ADAMTS17: variants seen among roughly 807,000 people sequenced by gnomAD.
ADAMTS17 encodes the protein ADAM metallopeptidase with thrombospondin type 1 motif 17.
A neutral mutation model predicts 141.5 loss-of-function variants in ADAMTS17; 113 were observed. That is an observed-to-expected ratio of 0.80 (90% confidence interval 0.69 to 0.93). ADAMTS17 has a LOEUF of 0.93. Among genes scored for constraint, ADAMTS17 ranks in the 40% least tolerant of loss-of-function variants. ADAMTS17 has a pLI of 0.00. For missense variants in ADAMTS17, 1,659 were observed against 1,517.9 expected (o/e 1.09, Z -1.54); for synonymous variants, 768 against 630.6 (o/e 1.22, Z -3.27).
intron 8 of ADAMTS17, among the ~76,000 whole-genome samples, chr15:100,164,463 G>C (rs1373827616): frequency 6.6e-6 from 1 of 152,184 alleles, no homozygotes; most frequent in Non-Finnish European, 1.5e-5. Flanking sequence ...TAGGCACTGA[G>C]AATACAGAGT....
In ADAMTS17 at chr15:100,029,591, A is replaced by G. The variant is rs184841636; in HGVS notation, c.2591+19266T>C. Among the ~76,000 whole-genome samples, 27 of 152,150 alleles carry G rather than the reference A, an allele frequency of 1.8e-4. No homozygotes were observed. In the East Asian group the frequency reaches 5.2e-3, roughly 30 times the overall value. The stretch of plus-strand genomic sequence containing the variant: ...CTGCAAAGTCCTGCCTTCAGTCTCC[A>G]CTTGGTTAGGTCTCTGCTTTGTGGC... On this transcript the variant is annotated intron_variant, in intron 18 of 21. Coordinates refer to ENST00000268070, the MANE Select transcript of ADAMTS17 (RefSeq NM_139057.4).
intron 7 of ADAMTS17, among the ~76,000 whole-genome samples, chr15:100,231,307 G>A (rs1180211055): frequency 6.6e-6 from 1 of 152,178 alleles, no homozygotes; most frequent in East Asian, 1.9e-4. Context: ...AGGCTTCAGT[G>A]TTAATTCCTC....
chr15:100,133,928 C>T (rs1046627885), intron 10 of ADAMTS17, among the ~76,000 whole-genome samples: 1 of 152,198 alleles, frequency 6.6e-6, no homozygotes, highest in Admixed American at 6.5e-5. Flanking sequence ...ACCTACAGAA[C>T]TTCCAGAACA....
At chr15:100,286,510 G>A (rs1416225720) in intron 3 of ADAMTS17, among the ~76,000 whole-genome samples, 1 of 152,164 alleles carries the variant, frequency 6.6e-6, no homozygotes, top group African/African-American at 2.4e-5. Flanking sequence ...AAACAAAGCT[G>A]GGAAACTCAT....
chr15:100,268,089 T>C (rs530042327), intron 4 of ADAMTS17, among the ~76,000 whole-genome samples: 1 of 152,084 alleles, frequency 6.6e-6, no homozygotes, highest in East Asian at 1.9e-4. Context: ...CTTAGGATAA[T>C]GGCCTTTAGC....
chr15:100,253,093 C>G (rs2043203098), intron 7 of ADAMTS17, among the ~76,000 whole-genome samples: 1 of 151,846 alleles, frequency 6.6e-6, no homozygotes, highest in South Asian at 2.1e-4. Context: ...ATACTGTTTT[C>G]TTCGATTTTA....
chr15:99,976,524 G>A, intron 20 of ADAMTS17: 1 of 560,266 alleles, frequency 1.8e-6, no homozygotes, highest in East Asian at 3.0e-5. Context: ...CCTGATAGAA[G>A]ACTGTTTCAA....
At chr15:100,095,799 A>G (rs1022037117) in intron 15 of ADAMTS17, among the ~76,000 whole-genome samples, 16 of 152,286 alleles carry the variant, frequency 1.1e-4, no homozygotes, top group African/African-American at 3.4e-4. Flanking sequence ...CGGCCCATCA[A>G]CCGAATCCTG....
At chr15:100,305,571 G>A (rs2045195500) in intron 3 of ADAMTS17, among the ~76,000 whole-genome samples, 1 of 152,246 alleles carries the variant, frequency 6.6e-6, no homozygotes, top group Non-Finnish European at 1.5e-5. Flanking sequence ...GGGGCTCACA[G>A]GCATCTGCCT....
intron 18 of ADAMTS17, among the ~76,000 whole-genome samples, chr15:100,041,886 A>G (rs955649820): frequency 2.6e-5 from 4 of 152,220 alleles, no homozygotes; most frequent in African/African-American, 9.6e-5. Flanking sequence ...AATAAAGGAA[A>G]GTATAAAGGA....
chr15:100,110,276 T>TA (rs1447260429), intron 13 of ADAMTS17, among the ~76,000 whole-genome samples: 310 of 82,294 alleles, frequency 3.8e-3, no homozygotes, highest in South Asian at 6.3e-3. Context: ...TATATATATA[T>TA]TTTTTTGAGA....
At chr15:100,085,291 GAAA>G (rs1217067050) in intron 15 of ADAMTS17, among the ~76,000 whole-genome samples, 1 of 151,434 alleles carries the variant, frequency 6.6e-6, no homozygotes, top group African/African-American at 2.4e-5. Flanking sequence ...GAAGTTTAGA[GAAA>G]AAAGAATACA....
At chr15:100,050,695 G>A (rs2141585471) in intron 17 of ADAMTS17, among the ~76,000 whole-genome samples, 1 of 152,354 alleles carries the variant, frequency 6.6e-6, no homozygotes, top group South Asian at 2.1e-4. Context: ...GACTAGGGAT[G>A]GCGGGGGCTA....
At chr15:100,162,502 TTATATGTG>T (rs1252139831) in intron 8 of ADAMTS17, among the ~76,000 whole-genome samples, 154 of 114,628 alleles carry the variant, frequency 1.3e-3, no homozygotes, top group Non-Finnish European at 2.4e-3. Flanking sequence ...CATATACACA[TTATATGTG>T]TATATATATG....
intron 14 of ADAMTS17, among the ~76,000 whole-genome samples, chr15:100,106,039 T>C (rs1474644465): frequency 6.6e-6 from 1 of 151,906 alleles, no homozygotes; most frequent in Non-Finnish European, 1.5e-5. Context: ...CTCTGTCACG[T>C]AGGCTGGAGT....
At chr15:100,172,256 T>C (rs187836660) in intron 8 of ADAMTS17, among the ~76,000 whole-genome samples, 67 of 151,950 alleles carry the variant, frequency 4.4e-4, no homozygotes, top group Admixed American at 4.0e-3. Flanking sequence ...CTGATTTCAT[T>C]GGGATGAGGC....
At chr15:100,308,253 C>T (rs1473535848) in intron 3 of ADAMTS17, among the ~76,000 whole-genome samples, 4 of 152,202 alleles carry the variant, frequency 2.6e-5, no homozygotes, top group Non-Finnish European at 4.4e-5. Context: ...TATTATAAAA[C>T]ATTTTATTTT....
chr15:100,119,651 T>C (rs1007896930), intron 12 of ADAMTS17, among the ~76,000 whole-genome samples: 7 of 152,232 alleles, frequency 4.6e-5, no homozygotes, highest in Admixed American at 2.0e-4. Context: ...TGTGATATGA[T>C]GTAAGAGAAC....
chr15:100,328,402 G>T (rs2045954822), intron 3 of ADAMTS17, among the ~76,000 whole-genome samples: 1 of 152,182 alleles, frequency 6.6e-6, no homozygotes, highest in Admixed American at 6.5e-5. Flanking sequence ...AGGACCAGAA[G>T]CAAAATATGT....
Sources: gnomAD v4.1 joint callset for allele counts (sites outside exome capture counted in the v4.1 genomes callset) on GRCh38, gnomAD v4.1.1 for gene constraint, MANE v1.5 for transcripts, NCBI Gene and HGNC (gene_info 2026-07-23, HGNC 2026-07-21) for gene names.